Variants in ANKRD30A observed in about 807,000 individuals in gnomAD.
ANKRD30A encodes ankyrin repeat domain 30A.
ANKRD30A carries 170 observed loss-of-function variants against 166.3 expected under a neutral mutation model. The observed-to-expected ratio is 1.02, with a 90% CI of 0.90 to 1.16. ANKRD30A has a LOEUF of 1.16. Among genes scored for constraint, ANKRD30A ranks in the 50% most tolerant of loss-of-function variants. The pLI, the probability that ANKRD30A is intolerant of heterozygous loss-of-function variation, is 0.00. For synonymous variants in ANKRD30A, 564 were observed against 508.9 expected (o/e 1.11, Z -1.46); for missense variants, 1,630 against 1,518.0 (o/e 1.07, Z -1.23).
the ANKRD30A span, among the ~76,000 whole-genome samples, chr10:37,255,005 T>C: frequency 6.6e-6 from 1 of 152,162 alleles, no homozygotes; most frequent in Non-Finnish European, 1.5e-5. Context: ...TTCTTTGTTA[T>C]GTCCTTTGAA....
At chr10:37,220,029 A>ATATATATATT (rs1366777838) in intron 34 of ANKRD30A, 132 bp downstream of exon 34, 1 of 148,444 alleles carries the variant, frequency 6.7e-6, no homozygotes, top group Non-Finnish European at 1.2e-5. Context: ...ATATATATAT[A>ATATATATATT]ATATATGTAT....
chr10:37,209,156 T>C (rs953802914), intron 31 of ANKRD30A, among the ~76,000 whole-genome samples: 1 of 152,184 alleles, frequency 6.6e-6, no homozygotes, highest in Non-Finnish European at 1.5e-5. Context: ...CTCTTGTTTG[T>C]AATAATATCA....
chr10:37,138,762 G>A (rs895545914), intron 6 of ANKRD30A, among the ~76,000 whole-genome samples: 2 of 152,202 alleles, frequency 1.3e-5, no homozygotes, highest in Non-Finnish European at 2.9e-5. Flanking sequence ...TGGTGTACCT[G>A]AAAGTGACGG....
downstream of ANKRD30A, chr10:37,232,683 TATATATATATAA>T (rs1564604665): frequency 3.5e-4 from 2 of 5,746 alleles, no homozygotes; most frequent in African/African-American, 4.7e-4. Flanking sequence ...TATATATATA[TATATATATATAA>T]ATAGAGAGAG....
At chr10:37,190,840 A>G (rs556070496) in intron 25 of ANKRD30A, among the ~76,000 whole-genome samples, 9 of 151,418 alleles carry the variant, frequency 5.9e-5, no homozygotes, top group East Asian at 1.9e-4. Context: ...ATATAGATGT[A>G]TGTATGTATG....
intron 25 of ANKRD30A, among the ~76,000 whole-genome samples, chr10:37,192,057 G>A (rs1393904500): frequency 6.6e-6 from 1 of 151,960 alleles, no homozygotes; most frequent in Non-Finnish European, 1.5e-5. Context: ...CTTTTTTAGA[G>A]ACAGAGTCTC....
At chr10:37,208,127 C>T (rs2132712177) in intron 31 of ANKRD30A, among the ~76,000 whole-genome samples, 1 of 152,184 alleles carries the variant, frequency 6.6e-6, no homozygotes, top group Middle Eastern at 3.4e-3. Flanking sequence ...GATAAGGAAG[C>T]AGAGCCATTC....
At chr10:37,226,937 A>G (rs191914942) in intron 34 of ANKRD30A, among the ~76,000 whole-genome samples, 6 of 151,966 alleles carry the variant, frequency 3.9e-5, no homozygotes, top group Non-Finnish European at 8.8e-5. Context: ...TTTAATTAAA[A>G]CATGCATCTT....
chr10:37,132,278 A>G lies in ANKRD30A; in HGVS notation c.549A>G (p.Arg183=). 6.2e-7 allele frequency: 1 copy of G among 1,607,298 alleles called. No homozygotes were observed. The highest frequency in any genetic ancestry group is 8.5e-7 in the Non-Finnish European group (1 of 1,177,038). ...LTPLLLSITK[R]SEQIVEFLLI... is the part of the protein sequence containing the mutation. ...CACTTTTACTATCCATAACGAAAAGAAGTGAGCAAATTGTGGAATTTTTGC... is the reference window on the plus strand; with the variant it reads ...CACTTTTACTATCCATAACGAAAAGGAGTGAGCAAATTGTGGAATTTTTGC... The change falls in exon 4 of 36, where the codon AGA becomes AGG. Residue 183 remains arginine, a synonymous_variant. Coordinates refer to ENST00000361713, the MANE Select transcript of ANKRD30A (RefSeq NM_052997.3).
At chr10:37,193,784 G>A (rs191043584) in intron 27 of ANKRD30A, among the ~76,000 whole-genome samples, 17 of 152,256 alleles carry the variant, frequency 1.1e-4, no homozygotes, top group East Asian at 3.9e-4. Context: ...CGGTGTTTTA[G>A]AAGAGTGACC....
At chr10:37,158,462 T>G in intron 14 of ANKRD30A, 42 bp downstream of exon 14, 1 of 1,612,038 alleles carries the variant, frequency 6.2e-7, no homozygotes, top group Non-Finnish European at 8.5e-7. Flanking sequence ...CAACTACATA[T>G]TTTATGAAGT....
At chr10:37,211,429 C>T (rs1842307839) in intron 31 of ANKRD30A, among the ~76,000 whole-genome samples, 1 of 152,026 alleles carries the variant, frequency 6.6e-6, no homozygotes, top group African/African-American at 2.4e-5. Context: ...TGATGGTTTC[C>T]AGCTTCATCC....
At chr10:37,158,951 A>C (rs547987827) in intron 15 of ANKRD30A, among the ~76,000 whole-genome samples, 1 of 152,290 alleles carries the variant, frequency 6.6e-6, no homozygotes, top group East Asian at 1.9e-4. Flanking sequence ...AGAAAGTTTC[A>C]CTTGCTGACA....
chr10:37,247,374 G>A, the ANKRD30A span, among the ~76,000 whole-genome samples: 1 of 151,996 alleles, frequency 6.6e-6, no homozygotes, highest in African/African-American at 2.4e-5. Flanking sequence ...TATTTATGAT[G>A]CTTTTAGTGT....
At chr10:37,143,305 C>T (rs1377973587) in intron 7 of ANKRD30A, among the ~76,000 whole-genome samples, 1 of 152,114 alleles carries the variant, frequency 6.6e-6, no homozygotes, top group East Asian at 1.9e-4. Flanking sequence ...TCAGGGCATA[C>T]TGGTTATGGT....
At position 37,209,861 on chromosome 10, in the gene ANKRD30A, T is replaced by C. The variant is rs565710962; in HGVS notation, c.2870-6320T>C. ...ACACTGACTAGATCTTATTTTCCTA[T>C]TGTTGACATCATTTATATTTTGGCA... is the stretch of plus-strand genomic sequence containing the variant. On this transcript the variant is annotated intron_variant, in intron 31 of 35. Coordinates refer to ENST00000361713, the MANE Select transcript of ANKRD30A (RefSeq NM_052997.3). 3.9e-5 allele frequency among the ~76,000 whole-genome samples: 6 copies of C among 152,238 alleles called. 1 individual carries two copies. The South Asian group carries it at 6.2e-4, about 16-fold the overall frequency.
At chr10:37,178,482 C>T in intron 24 of ANKRD30A, 4 of 949,204 alleles carry the variant, frequency 4.2e-6, no homozygotes, top group Non-Finnish European at 5.0e-6. Context: ...GATGCTGATG[C>T]TGGTGGTCCT....
chr10:37,222,638 G>A (rs1842949877), intron 34 of ANKRD30A, among the ~76,000 whole-genome samples: 2 of 151,056 alleles, frequency 1.3e-5, no homozygotes, highest in African/African-American at 2.4e-5. Context: ...TAATTGGGCC[G>A]ATTTCCATAT....
At chr10:37,164,963 T>A (rs1386335101) in intron 17 of ANKRD30A, 131 bp from the exon 18 acceptor site, 2 of 924,756 alleles carry the variant, frequency 2.2e-6, no homozygotes, top group Admixed American at 2.3e-5. Context: ...GTCATTGTAA[T>A]CAACAAAAAG....
Sources: allele counts gnomAD v4.1 joint callset (sites outside exome capture counted in the v4.1 genomes callset), GRCh38; gene constraint gnomAD v4.1.1; transcripts MANE v1.5; gene names NCBI Gene and HGNC (gene_info 2026-07-23, HGNC 2026-07-21).